The following EPB41L3 variants were observed in gnomAD, a reference collection of about 807,000 sequenced individuals.
EPB41L3 encodes the protein erythrocyte membrane protein band 4.1 like 3, also known as band 4.1-like protein 3.
A neutral mutation model predicts 127.1 loss-of-function variants in EPB41L3; 57 were observed. The ratio of observed to expected loss-of-function variants is 0.45; its 90% CI spans 0.36 to 0.56. The LOEUF (loss-of-function observed/expected upper bound fraction) is 0.56. Among genes scored for constraint, EPB41L3 ranks in the 20% least tolerant of loss-of-function variants. EPB41L3 has a pLI of 0.00. For synonymous variants in EPB41L3, 572 were observed against 549.5 expected (o/e 1.04, Z -0.57); for missense variants, 1,273 against 1,372.2 (o/e 0.93, Z 1.14).
chr18:5,588,702 C>G (rs1182835318), intron 3 of EPB41L3, among the ~76,000 whole-genome samples: 1 of 151,970 alleles, frequency 6.6e-6, no homozygotes, highest in African/African-American at 2.4e-5. Context: ...TGGTGGTGAG[C>G]AAACACCAAG....
At chr18:5,565,269 G>A (rs915981867) in intron 3 of EPB41L3, among the ~76,000 whole-genome samples, 5 of 151,738 alleles carry the variant, frequency 3.3e-5, no homozygotes, top group Admixed American at 6.6e-5. Flanking sequence ...AAACTTAGCC[G>A]GGCATGGCAG....
rs142911764 is a variant in EPB41L3, at chr18:5,397,299, C to A, written c.2600G>T (p.Ser867Ile). 1 of 1,614,124 alleles carries A rather than the reference C, an allele frequency of 6.2e-7. No homozygotes were observed. Among genetic ancestry groups the A allele is most frequent in the South Asian group, 1.1e-5 (1 of 91,088 alleles). ...LVEERRVVHA[S>I]GDASYSAGDS... Reference sequence around the variant, plus strand: ...TCCCGCCGAGTAAGAAGCATCCCCACTCGCGTGCACCACACGCCGCTCCTC... The same window carrying A: ...TCCCGCCGAGTAAGAAGCATCCCCAATCGCGTGCACCACACGCCGCTCCTC... The change falls in exon 18 of 23, where the codon AGT becomes ATT. Residue 867 changes from serine to isoleucine, a missense_variant. By Grantham distance (142) the Ser-to-Ile change is moderately radical. Around this residue, in one of 3 missense-constraint regions of EPB41L3, gnomAD observed 765 missense variants for 782.9 expected, o/e 0.98. Coordinates refer to ENST00000341928, the MANE Select transcript of EPB41L3 (RefSeq NM_012307.5). The surrounding 1 kb of genome is among the most constrained non-coding windows in gnomAD (Gnocchi z 4.1).
rs559676491 is a variant in EPB41L3 at position 5,435,385 on chromosome 18, C to T, written c.606-1264G>A. On this transcript the variant is annotated intron_variant, in intron 6 of 22. Transcript: ENST00000341928. ...TCAGAGCAACTTCCCGTCCTGCACG[C>T]GCCATTCATGGTAAGTGGCCTACAC... Among the ~76,000 whole-genome samples, 42 of 152,292 alleles carry T rather than the reference C, an allele frequency of 2.8e-4. 1 individual carries two copies. Among genetic ancestry groups the T allele is most frequent in the East Asian group, 2.1e-3 (11 of 5,176 alleles).
At chr18:5,602,068 G>T (rs546863924) in intron 3 of EPB41L3, among the ~76,000 whole-genome samples, 2 of 152,230 alleles carry the variant, frequency 1.3e-5, no homozygotes, top group South Asian at 4.2e-4. Flanking sequence ...ATTTTTCAAT[G>T]CCTGTCCGCA....
intron 3 of EPB41L3, among the ~76,000 whole-genome samples, chr18:5,592,301 G>A (rs1754197834): frequency 1.3e-5 from 2 of 152,104 alleles, no homozygotes. Context: ...TGAGTAGCTG[G>A]GATTACAGGT....
chr18:5,582,196 G>A (rs554796164), intron 3 of EPB41L3, among the ~76,000 whole-genome samples: 57 of 151,602 alleles, frequency 3.8e-4, no homozygotes, highest in Non-Finnish European at 6.3e-4. Context: ...CAAGGCAGTG[G>A]GGCTCCCTGG....
At chr18:5,438,924 T>C (rs979905046) in intron 5 of EPB41L3, among the ~76,000 whole-genome samples, 1 of 152,174 alleles carries the variant, frequency 6.6e-6, no homozygotes, top group East Asian at 1.9e-4. Flanking sequence ...AAGCTCCACA[T>C]CTCATTAACA....
rs563662904 is a variant in EPB41L3, at chr18:5,499,829, G to GTGTATATATATATATA, written c.-11-10636_-11-10635insTATATATATATATACA. Among the ~76,000 whole-genome samples, 845 of 124,582 alleles carry GTGTATATATATATATA rather than the reference G, an allele frequency of 6.8e-3. 18 individuals carry two copies. Among genetic ancestry groups the GTGTATATATATATATA allele is most frequent in the African/African-American group, 0.023 (741 of 32,142 alleles). The allele number at this position is 124,582 out of a possible 152,430, so 81.7% of individuals were successfully genotyped here. Reference sequence around the variant, plus strand: ...CCTACTACATACTTACTATGTGTGTGTATATATATATATATATATGGCATT... The same window carrying GTGTATATATATATATA: ...CCTACTACATACTTACTATGTGTGTGTGTATATATATATATATATATATATATATATATATGGCATT... On this transcript the variant is annotated intron_variant, in intron 1 of 22. Coordinates refer to ENST00000341928, the MANE Select transcript of EPB41L3 (RefSeq NM_012307.5).
intron 3 of EPB41L3, among the ~76,000 whole-genome samples, chr18:5,451,937 C>G (rs912682489): frequency 6.6e-6 from 1 of 152,188 alleles, no homozygotes; most frequent in Non-Finnish European, 1.5e-5. Context: ...CTCCCGGGTC[C>G]AAGTGATTCT....
chr18:5,536,412 A>G (rs2093573344), intron 1 of EPB41L3, among the ~76,000 whole-genome samples: 1 of 151,582 alleles, frequency 6.6e-6, no homozygotes, highest in Admixed American at 6.6e-5. Flanking sequence ...GCACAAGACC[A>G]AAAGAAAATA....
chr18:5,530,750 G>A (rs780364157), intron 1 of EPB41L3, among the ~76,000 whole-genome samples: 3 of 152,012 alleles, frequency 2.0e-5, no homozygotes, highest in South Asian at 2.1e-4. Flanking sequence ...CTCCCTCTCC[G>A]TCCAAAGCCA....
intron 3 of EPB41L3, among the ~76,000 whole-genome samples, chr18:5,565,689 A>G (rs1412355544): frequency 5.3e-5 from 7 of 132,986 alleles, no homozygotes; most frequent in Admixed American, 1.8e-4. Flanking sequence ...TCATTGTTCA[A>G]TTCCCATCTA....
chr18:5,395,268 T>C, intron 20 of EPB41L3, 121 bp from the exon 21 acceptor site: 1 of 861,470 alleles, frequency 1.2e-6, no homozygotes, highest in Non-Finnish European at 1.9e-6. Flanking sequence ...AAATTAGAGT[T>C]CTATGGCACT....
intron 1 of EPB41L3, among the ~76,000 whole-genome samples, chr18:5,507,520 C>T (rs2092285019): frequency 6.6e-6 from 1 of 152,164 alleles, no homozygotes; most frequent in African/African-American, 2.4e-5. Context: ...CCCCTACCAA[C>T]TGTGTGAATT....
At chr18:5,438,655 T>C (rs2080223301) in intron 5 of EPB41L3, among the ~76,000 whole-genome samples, 1 of 152,248 alleles carries the variant, frequency 6.6e-6, no homozygotes, top group Non-Finnish European at 1.5e-5. Flanking sequence ...CTGTGGGCTG[T>C]TGAAAATTAT....
At chr18:5,402,669 A>T (rs2074698029) in intron 16 of EPB41L3, among the ~76,000 whole-genome samples, 1 of 152,210 alleles carries the variant, frequency 6.6e-6, no homozygotes, top group South Asian at 2.1e-4. Context: ...GGTACTGATA[A>T]AGAAAAGGTG....
chr18:5,566,706 T>A (rs188324422), intron 3 of EPB41L3, among the ~76,000 whole-genome samples: 8 of 151,308 alleles, frequency 5.3e-5, no homozygotes, highest in East Asian at 2.0e-4. Context: ...ACCTGACCTT[T>A]CTTTTCTTTT....
At chr18:5,463,334 A>G (rs754154808) in intron 3 of EPB41L3, among the ~76,000 whole-genome samples, 3 of 152,224 alleles carry the variant, frequency 2.0e-5, no homozygotes, top group Non-Finnish European at 4.4e-5. Context: ...AGATGGCTCA[A>G]GCTTTCCTTC....
At chr18:5,407,276 G>T in intron 15 of EPB41L3, 1 of 402,534 alleles carries the variant, frequency 2.5e-6, no homozygotes, top group East Asian at 4.5e-5. Context: ...CAGGAAAAGG[G>T]ATCTATATCT....
Sources: allele counts gnomAD v4.1 joint callset (sites outside exome capture counted in the v4.1 genomes callset), GRCh38; gene constraint gnomAD v4.1.1; regional missense constraint gnomAD v4.1.1; non-coding constraint Gnocchi (gnomAD v3.1); transcripts MANE v1.5; gene names NCBI Gene and HGNC (gene_info 2026-07-23, HGNC 2026-07-21).